CGNL1: variants seen among roughly 807,000 people sequenced by gnomAD.
CGNL1 encodes cingulin like 1, also known as cingulin-like protein 1.
CGNL1 carries 132 observed loss-of-function variants against 141.2 expected under a neutral mutation model. The ratio of observed to expected loss-of-function variants is 0.93; its 90% CI spans 0.81 to 1.08. CGNL1 has a LOEUF of 1.08. Among genes scored for constraint, CGNL1 ranks in the 50% least tolerant of loss-of-function variants. The pLI, the probability that CGNL1 is intolerant of heterozygous loss-of-function variation, is 0.00. For missense variants in CGNL1, 1,870 were observed against 1,588.6 expected (o/e 1.18, Z -3.01); for synonymous variants, 690 against 622.1 (o/e 1.11, Z -1.63).
intron 1 of CGNL1, among the ~76,000 whole-genome samples, chr15:57,386,363 G>C (rs1429594855): frequency 6.6e-6 from 1 of 152,230 alleles, no homozygotes; most frequent in African/African-American, 2.4e-5. Context: ...TGTGAAACTA[G>C]CTCTACGTAT....
chr15:57,441,618 A>T (rs1363708353), intron 3 of CGNL1, among the ~76,000 whole-genome samples: 1 of 152,172 alleles, frequency 6.6e-6, no homozygotes, highest in East Asian at 1.9e-4. Flanking sequence ...ATCCACCAGC[A>T]TCTGCCTCCC....
chr15:57,423,956 C>T (rs536871461), intron 1 of CGNL1, among the ~76,000 whole-genome samples: 1 of 152,346 alleles, frequency 6.6e-6, no homozygotes, highest in East Asian at 1.9e-4. Flanking sequence ...CCTCGCTTCT[C>T]CATCTATGTG....
chr15:57,421,912 C>T (rs1367570225), intron 1 of CGNL1, among the ~76,000 whole-genome samples: 1 of 152,094 alleles, frequency 6.6e-6, no homozygotes. Context: ...GCAGATTTTT[C>T]TCTGGGATGC....
chr15:57,450,326 G>C (rs557811985), intron 4 of CGNL1, among the ~76,000 whole-genome samples: 5 of 152,308 alleles, frequency 3.3e-5, no homozygotes, highest in African/African-American at 1.2e-4. Flanking sequence ...ACCCAGTCTG[G>C]AGTGCAGTAG....
Position 57,528,756 on chromosome 15 carries a change from G to A in CGNL1, c.3142G>A (p.Glu1048Lys). 8 of 1,614,180 alleles carry A rather than the reference G, an allele frequency of 5.0e-6. No individual in the cohort carries two copies. The highest frequency in any genetic ancestry group is 6.8e-6 in the Non-Finnish European group (8 of 1,180,024). The change falls in exon 13 of 19, where the codon GAG becomes AAG. Residue 1048 changes from glutamate to lysine, a missense_variant. Physicochemically the swap from Glu to Lys is moderately conservative, Grantham distance 56. Transcript: ENST00000281282. The stretch of plus-strand genomic sequence containing the variant: ...GCAGACGCTGAAGGACCTGGAGTAT[G>A]AGCTGGAAGCCAAGAGTCACCTCAA... ...LEQTLKDLEY[E>K]LEAKSHLKDD... is the part of the protein sequence containing the mutation.
intron 11 of CGNL1, 67 bp downstream of exon 11, chr15:57,523,708 G>T: frequency 6.4e-7 from 1 of 1,566,738 alleles, no homozygotes. Flanking sequence ...TCCCCTCTGA[G>T]GGTCTGGTGA....
intron 1 of CGNL1, among the ~76,000 whole-genome samples, chr15:57,413,214 C>T (rs1367991572): frequency 1.4e-5 from 2 of 143,248 alleles, no homozygotes; most frequent in South Asian, 4.7e-4. Context: ...TTTCTCTCTT[C>T]CTCTCTTCCT....
chr15:57,391,145 C>A (rs955407061), intron 1 of CGNL1, among the ~76,000 whole-genome samples: 1 of 152,174 alleles, frequency 6.6e-6, no homozygotes, highest in East Asian at 1.9e-4. Flanking sequence ...GCCAGGCCAC[C>A]CTGTTCCCAG....
chr15:57,418,908 G>A lies in CGNL1; in HGVS notation c.-15-19077G>A, dbSNP rs1250222209. 1.5e-3 allele frequency among the ~76,000 whole-genome samples: 215 copies of A among 147,476 alleles called. 3 individuals are homozygous for A. Among genetic ancestry groups the A allele is most frequent in the Non-Finnish European group, 1.2e-4 (8 of 66,936 alleles). On this transcript the variant is annotated intron_variant, in intron 1 of 18. Transcript: ENST00000281282. ...GCCCTGGAGTGACCACACTGACTGCGTCAGTGGGTTTCACTGCCTGGTGCC... is the reference window on the plus strand; with the variant it reads ...GCCCTGGAGTGACCACACTGACTGCATCAGTGGGTTTCACTGCCTGGTGCC...
chr15:57,440,087 A>C (rs1354726748), intron 2 of CGNL1, among the ~76,000 whole-genome samples: 1 of 149,366 alleles, frequency 6.7e-6, no homozygotes, highest in Admixed American at 6.9e-5. Flanking sequence ...AACAATAAAA[A>C]ATAATGATAT....
intron 1 of CGNL1, among the ~76,000 whole-genome samples, chr15:57,429,900 C>T (rs1218153886): frequency 6.6e-6 from 1 of 152,188 alleles, no homozygotes; most frequent in Non-Finnish European, 1.5e-5. Context: ...GCCTTGACCT[C>T]TCTGGGCTCA....
intron 8 of CGNL1, among the ~76,000 whole-genome samples, chr15:57,478,840 T>C (rs2152356954): frequency 6.6e-6 from 1 of 152,236 alleles, no homozygotes; most frequent in Admixed American, 6.5e-5. Flanking sequence ...GGTTTTGCCG[T>C]GTTGCTCATG....
chr15:57,380,808 T>C (rs1255566367), intron 1 of CGNL1, among the ~76,000 whole-genome samples: 1 of 152,220 alleles, frequency 6.6e-6, no homozygotes, highest in African/African-American at 2.4e-5. Context: ...GATCCATTTT[T>C]GGCACATTAG....
chr15:57,464,730 C>T (rs142909157), intron 8 of CGNL1, among the ~76,000 whole-genome samples: 2 of 73,666 alleles, frequency 2.7e-5, no homozygotes, highest in Admixed American at 1.6e-4. Flanking sequence ...CTTTCCTTTC[C>T]TTCTTTCTTT....
rs760254844 is a variant in CGNL1 at position 57,543,734 on chromosome 15, T to G, written c.3330T>G (p.Ala1110=). 4.3e-6 allele frequency: 7 copies of G among 1,614,054 alleles called. No individual in the cohort carries two copies. Among genetic ancestry groups the G allele is most frequent in the Non-Finnish European group, 5.9e-6 (7 of 1,179,976 alleles). Residue 1110 remains alanine (A), a synonymous_variant, in exon 15 of 19, where the codon GCT becomes GCG. Coordinates refer to ENST00000281282, the MANE Select transcript of CGNL1 (RefSeq NM_032866.5). ...QLRNELLQER[A]ARQDLECDKI... Reference sequence around the variant, plus strand: ...GGAATGAGCTACTTCAGGAGAGAGCTGCGAGACAAGACTTGGAGTGCGACA... The same window carrying G: ...GGAATGAGCTACTTCAGGAGAGAGCGGCGAGACAAGACTTGGAGTGCGACA...
chr15:57,417,787 A>G (rs2062865902), intron 1 of CGNL1, among the ~76,000 whole-genome samples: 1 of 152,168 alleles, frequency 6.6e-6, no homozygotes, highest in Admixed American at 6.5e-5. Flanking sequence ...ATGGAGACAA[A>G]TATTAATTAA....
At chr15:57,416,188 T>A (rs897009113) in intron 1 of CGNL1, among the ~76,000 whole-genome samples, 1 of 135,748 alleles carries the variant, frequency 7.4e-6, no homozygotes, top group Non-Finnish European at 1.6e-5. Flanking sequence ...TCTTTTCGAT[T>A]TGCTCAGTGT....
At chr15:57,379,948 G>C (rs576614724) in intron 1 of CGNL1, among the ~76,000 whole-genome samples, 2 of 152,266 alleles carry the variant, frequency 1.3e-5, no homozygotes, top group South Asian at 4.2e-4. Flanking sequence ...GCAGCCCCCT[G>C]TACTTCTCTC....
At chr15:57,543,976 A>G (rs1424311994) in intron 15 of CGNL1, among the ~76,000 whole-genome samples, 197 bp downstream of exon 15, 3 of 152,086 alleles carry the variant, frequency 2.0e-5, no homozygotes, top group African/African-American at 7.3e-5. Flanking sequence ...CTGAGGGAGG[A>G]GGAATTGCAT....
Sources: gnomAD v4.1 joint callset for allele counts (sites outside exome capture counted in the v4.1 genomes callset) on GRCh38, gnomAD v4.1.1 for gene constraint, MANE v1.5 for transcripts, NCBI Gene and HGNC (gene_info 2026-07-23, HGNC 2026-07-21) for gene names.